CSNK2A2IP: variants seen among roughly 807,000 people sequenced by gnomAD.
The protein encoded by CSNK2A2IP is casein kinase II subunit alpha'-interacting protein.
chr3:88,340,896 A>G, the CSNK2A2IP span, among the ~76,000 whole-genome samples: 5 of 151,940 alleles, frequency 3.3e-5, no homozygotes, highest in Non-Finnish European at 5.9e-5. Flanking sequence ...CATATTTTAA[A>G]GCTGTATTCC....
the CSNK2A2IP span, among the ~76,000 whole-genome samples, chr3:88,457,530 T>C: frequency 1.9e-4 from 29 of 151,804 alleles, no homozygotes; most frequent in Middle Eastern, 6.8e-3. Flanking sequence ...ACCCAGTCTC[T>C]ACTAAAAATA....
At chr3:88,374,917 C>T in the CSNK2A2IP span, among the ~76,000 whole-genome samples, 2 of 151,548 alleles carry the variant, frequency 1.3e-5, no homozygotes, top group East Asian at 1.9e-4. Context: ...GGAAAAGATA[C>T]GAGAAGAAAA....
the CSNK2A2IP span, among the ~76,000 whole-genome samples, chr3:88,463,268 G>A: frequency 1.1e-4 from 9 of 80,730 alleles, no homozygotes; most frequent in African/African-American, 3.8e-4. Flanking sequence ...TTTTTTTTTT[G>A]TATCATGTAT....
At chr3:88,381,827 G>A in the CSNK2A2IP span, among the ~76,000 whole-genome samples, 1 of 152,166 alleles carries the variant, frequency 6.6e-6, no homozygotes, top group Non-Finnish European at 1.5e-5. Context: ...ATATGTTTAT[G>A]GCATTAATTG....
At chr3:88,447,434 T>A in the CSNK2A2IP span, among the ~76,000 whole-genome samples, 1 of 152,064 alleles carries the variant, frequency 6.6e-6, no homozygotes, top group Non-Finnish European at 1.5e-5. Flanking sequence ...AAAATATAAA[T>A]TTTTAAAAAT....
the CSNK2A2IP span, among the ~76,000 whole-genome samples, chr3:88,451,916 T>C: frequency 6.6e-6 from 1 of 152,056 alleles, no homozygotes; most frequent in African/African-American, 2.4e-5. Context: ...CTGTAATAAT[T>C]GGCTTTACAA....
At chr3:88,371,586 C>T in the CSNK2A2IP span, among the ~76,000 whole-genome samples, 704 of 151,532 alleles carry the variant, frequency 4.6e-3, 1 homozygote, top group African/African-American at 0.016. Flanking sequence ...TCAACACATG[C>T]GTAATTGGAG....
At chr3:88,351,382 T>G in the CSNK2A2IP span, among the ~76,000 whole-genome samples, 1 of 152,092 alleles carries the variant, frequency 6.6e-6, no homozygotes, top group Admixed American at 6.6e-5. Flanking sequence ...GAAGTAGACA[T>G]GGCTTCAAAG....
the CSNK2A2IP span, among the ~76,000 whole-genome samples, chr3:88,420,722 T>C: frequency 6.6e-6 from 1 of 152,076 alleles, no homozygotes; most frequent in Admixed American, 6.5e-5. Flanking sequence ...AAGGGTTATG[T>C]CTTTGGGAAT....
the CSNK2A2IP span, among the ~76,000 whole-genome samples, chr3:88,409,372 T>C: frequency 1.3e-3 from 205 of 152,172 alleles, no homozygotes; most frequent in Non-Finnish European, 2.3e-3. Context: ...AGAATTTACC[T>C]AGCTATTCAA....
chr3:88,466,227 T>G, the CSNK2A2IP span: 1 of 1,231,716 alleles, frequency 8.1e-7, no homozygotes, highest in Non-Finnish European at 1.0e-6. Flanking sequence ...ACCCCACTAT[T>G]GGAGGCTTAC....
the CSNK2A2IP span, among the ~76,000 whole-genome samples, chr3:88,359,994 ATCTC>A: frequency 6.6e-6 from 1 of 152,016 alleles, no homozygotes; most frequent in African/African-American, 2.4e-5. Flanking sequence ...TTAGGGGTGA[ATCTC>A]TCTATCTCCA....
At chr3:88,427,200 A>G in the CSNK2A2IP span, among the ~76,000 whole-genome samples, 2 of 152,038 alleles carry the variant, frequency 1.3e-5, no homozygotes, top group African/African-American at 4.8e-5. Context: ...AGTAAAGGTG[A>G]CTCTTGTTAT....
At chr3:88,439,173 A>G in the CSNK2A2IP span, among the ~76,000 whole-genome samples, 2 of 152,112 alleles carry the variant, frequency 1.3e-5, no homozygotes, top group South Asian at 2.1e-4. Flanking sequence ...CTCACTTTTC[A>G]TTGACTTTCC....
At chr3:88,368,352 T>C in the CSNK2A2IP span, among the ~76,000 whole-genome samples, 1 of 151,990 alleles carries the variant, frequency 6.6e-6, no homozygotes, top group African/African-American at 2.4e-5. Context: ...AATGATAAGT[T>C]CAAAATAGAA....
chr3:88,404,265 A>T, the CSNK2A2IP span, among the ~76,000 whole-genome samples: 1 of 152,166 alleles, frequency 6.6e-6, no homozygotes, highest in African/African-American at 2.4e-5. Flanking sequence ...GGAAAGTCAG[A>T]TAACTTAACA....
the CSNK2A2IP span, among the ~76,000 whole-genome samples, chr3:88,378,032 C>A: frequency 6.6e-6 from 1 of 151,824 alleles, no homozygotes; most frequent in South Asian, 2.1e-4. Context: ...AAAAATGTTA[C>A]CAGTTTATGA....
At chr3:88,392,525 T>C in the CSNK2A2IP span, among the ~76,000 whole-genome samples, 1 of 152,054 alleles carries the variant, frequency 6.6e-6, no homozygotes, top group African/African-American at 2.4e-5. Context: ...TAAGAGAATA[T>C]GTGACATGAA....
At chr3:88,429,919 AT>A in the CSNK2A2IP span, among the ~76,000 whole-genome samples, 93,395 of 142,030 alleles carry the variant, frequency 0.66, 31,526 homozygotes, top group South Asian at 0.76. Context: ...CGCCAGGCTA[AT>A]TTTTTTTTTT....
Sources: allele counts gnomAD v4.1 joint callset (sites outside exome capture counted in the v4.1 genomes callset), GRCh38; gene constraint gnomAD v4.1.1; transcripts MANE v1.5; gene names NCBI Gene and HGNC (gene_info 2026-07-23, HGNC 2026-07-21).